The following MED13L variants were observed in gnomAD, a reference collection of about 807,000 sequenced individuals.
The protein encoded by MED13L is mediator of RNA polymerase II transcription subunit 13-like.
In MED13L, 7 loss-of-function variants were observed where a neutral mutation model predicts 220.9. The observed-to-expected ratio is 0.03, with a 90% CI of 0.02 to 0.06. The LOEUF (loss-of-function observed/expected upper bound fraction) is 0.06, where lower values mean the gene tolerates loss of function less well. Ranked by LOEUF, MED13L falls within the 10% of genes least tolerant of loss-of-function variation. The probability of loss-of-function intolerance (pLI) is 1.00; values close to 1 mark genes in which losing one functional copy is unlikely to be tolerated. For missense variants in MED13L, 1,965 were observed against 2,760.5 expected, an observed-to-expected ratio of 0.71 and a Z score of 6.46; for synonymous variants, 1,011 against 1,015.2, an observed-to-expected ratio of 1.00 and a Z score of 0.08.
chr12:115,962,232 G>C (rs904183420), intron 30 of MED13L, among the ~76,000 whole-genome samples: 1 of 152,144 alleles, frequency 6.6e-6, no homozygotes, highest in East Asian at 1.9e-4. Flanking sequence ...GACCAGTTTC[G>C]TGGAAGACAA....
At chr12:116,042,847 A>G (rs1026000599) in intron 4 of MED13L, among the ~76,000 whole-genome samples, 1 of 152,182 alleles carries the variant, frequency 6.6e-6, no homozygotes, top group African/African-American at 2.4e-5. Flanking sequence ...TTGAATAGAA[A>G]TAATTATAAA....
chr12:116,213,238 A>G (rs1036009669), intron 2 of MED13L, among the ~76,000 whole-genome samples: 21 of 152,202 alleles, frequency 1.4e-4, no homozygotes, highest in Admixed American at 1.2e-3. Flanking sequence ...CAAGGTGGAC[A>G]AGAAAGAGGG....
At chr12:116,171,256 G>A (rs1039865384) in intron 2 of MED13L, among the ~76,000 whole-genome samples, 3 of 152,156 alleles carry the variant, frequency 2.0e-5, no homozygotes, top group African/African-American at 7.2e-5. Flanking sequence ...TCTGCCCACT[G>A]GAAAGTGATG....
Position 116,111,522 on chromosome 12 carries a change from A to C in MED13L, c.311-10T>G. 2 of 1,582,156 alleles carry C rather than the reference A, an allele frequency of 1.3e-6. No individual in the cohort carries two copies. Among genetic ancestry groups the C allele is most frequent in the Non-Finnish European group, 1.7e-6 (2 of 1,161,994 alleles). On this transcript the variant is annotated splice_polypyrimidine_tract_variant and intron_variant, in intron 2 of 30. Transcript: ENST00000281928. ...AGTCCTTCTTCCACAACTGAAAAAA[A>C]AAAGAAAAAAGAAAAAAAAAGAACC...
chr12:116,246,898 A>G (rs1593205855), intron 1 of MED13L, among the ~76,000 whole-genome samples: 1 of 17,180 alleles, frequency 5.8e-5, no homozygotes, highest in Non-Finnish European at 1.0e-4. Context: ...GGAGGTGGGG[A>G]GGCGGGAAGA....
intron 28 of MED13L, among the ~76,000 whole-genome samples, chr12:115,966,613 AGAC>A (rs773537510): frequency 1.3e-5 from 2 of 152,218 alleles, no homozygotes; most frequent in Non-Finnish European, 2.9e-5. Context: ...AACCAGCCAA[AGAC>A]ACACAAGCGC....
chr12:115,989,465 G>C (rs1187682970), intron 17 of MED13L, among the ~76,000 whole-genome samples: 1 of 151,790 alleles, frequency 6.6e-6, no homozygotes, highest in Non-Finnish European at 1.5e-5. Context: ...AGCTCTACCA[G>C]GTCCTCTTCT....
At chr12:115,974,014 T>C (rs1468369145) in intron 25 of MED13L, among the ~76,000 whole-genome samples, 1 of 152,240 alleles carries the variant, frequency 6.6e-6, no homozygotes, top group East Asian at 1.9e-4. Flanking sequence ...GTTTAGGGAT[T>C]CTACAAATAC....
chr12:116,063,045 A>C (rs1869637563), intron 4 of MED13L, among the ~76,000 whole-genome samples: 1 of 152,132 alleles, frequency 6.6e-6, no homozygotes, highest in Non-Finnish European at 1.5e-5. Context: ...GGCTCAACGC[A>C]GCCCAAAACA....
chr12:116,087,660 C>T (rs1871816740), intron 4 of MED13L, among the ~76,000 whole-genome samples: 1 of 152,160 alleles, frequency 6.6e-6, no homozygotes, highest in African/African-American at 2.4e-5. Flanking sequence ...CTATCATCTG[C>T]CTTTCAGCCT....
chr12:116,137,098 C>A (rs1206490844), intron 2 of MED13L, among the ~76,000 whole-genome samples: 2 of 152,162 alleles, frequency 1.3e-5, no homozygotes, highest in Non-Finnish European at 2.9e-5. Context: ...GTATGAACAT[C>A]TCAGGCCACT....
At chr12:116,063,843 G>A (rs1324223461) in intron 4 of MED13L, among the ~76,000 whole-genome samples, 2 of 151,816 alleles carry the variant, frequency 1.3e-5, no homozygotes, top group African/African-American at 4.8e-5. Context: ...TTGGTTCCAG[G>A]GCCCCCACAC....
intron 4 of MED13L, among the ~76,000 whole-genome samples, chr12:116,090,363 C>T (rs1053471098): frequency 2.6e-5 from 4 of 152,160 alleles, no homozygotes; most frequent in African/African-American, 9.7e-5. Context: ...TAACATAATC[C>T]TTCCCTCTCT....
At chr12:116,048,032 T>C (rs527306275) in intron 4 of MED13L, among the ~76,000 whole-genome samples, 13 of 147,616 alleles carry the variant, frequency 8.8e-5, no homozygotes, top group Admixed American at 5.5e-4. Context: ...AAGATATATG[T>C]TACTTTTTTT....
rs1877535983 is a variant in MED13L, at chr12:115,984,295, T to C, written c.4416A>G (p.Ala1472=). The C allele has an allele frequency of 6.2e-7, 1 of 1,614,000 alleles. No individual in the cohort carries two copies. The highest frequency in any genetic ancestry group is 8.5e-7 in the Non-Finnish European group (1 of 1,180,016). Reference sequence around the variant, plus strand: ...TCACAAGCTCATCTGTCAGCTTCTGTGCCACAGTTTTTCCCACGCGCATGA... The same window carrying C: ...TCACAAGCTCATCTGTCAGCTTCTGCGCCACAGTTTTTCCCACGCGCATGA... The part of the protein sequence containing the change: ...DGIMRVGKTV[A]QKLTDELVSE... The change falls in exon 20 of 31, where the codon GCA becomes GCG. Residue 1472 remains alanine, a synonymous_variant. Coordinates refer to ENST00000281928, the MANE Select transcript of MED13L (RefSeq NM_015335.5).
chr12:116,162,126 A>G (rs1878898208), intron 2 of MED13L, among the ~76,000 whole-genome samples: 1 of 152,180 alleles, frequency 6.6e-6, no homozygotes. Context: ...CCCAAAACAG[A>G]CGAGTTTTTC....
chr12:116,132,534 A>C (rs1323959546), intron 2 of MED13L, among the ~76,000 whole-genome samples: 2 of 151,942 alleles, frequency 1.3e-5, no homozygotes, highest in African/African-American at 4.8e-5. Context: ...CTATTTCCAC[A>C]TGGAAATGTG....
At chr12:116,108,536 T>C (rs1873799291) in intron 3 of MED13L, among the ~76,000 whole-genome samples, 1 of 152,114 alleles carries the variant, frequency 6.6e-6, no homozygotes, top group South Asian at 2.1e-4. Context: ...TAAATTAGCT[T>C]TCCTATCTCA....
chr12:116,247,064 T>C (rs1341312480), intron 1 of MED13L, among the ~76,000 whole-genome samples: 1 of 152,132 alleles, frequency 6.6e-6, no homozygotes, highest in Non-Finnish European at 1.5e-5. Flanking sequence ...AAAGTAACTA[T>C]GACCTCAGTA....
Sources: allele counts gnomAD v4.1 joint callset (sites outside exome capture counted in the v4.1 genomes callset), GRCh38; gene constraint gnomAD v4.1.1; transcripts MANE v1.5; gene names NCBI Gene and HGNC (gene_info 2026-07-23, HGNC 2026-07-21).